Variants in KIF20A observed in about 807,000 individuals in gnomAD.
KIF20A encodes the protein kinesin-like protein KIF20A.
KIF20A carries 66 observed loss-of-function variants against 113.0 expected under a neutral mutation model. That is an observed-to-expected ratio of 0.58 (90% CI 0.48 to 0.72). The LOEUF (loss-of-function observed/expected upper bound fraction) is 0.72, where lower values mean the gene tolerates loss of function less well. Among genes scored for constraint, KIF20A ranks in the 30% least tolerant of loss-of-function variants. KIF20A has a pLI of 0.00. For missense variants in KIF20A, 927 were observed against 1,077.6 expected (o/e 0.86, Z 1.96); for synonymous variants, 376 against 402.3 (o/e 0.93, Z 0.78).
intron 4 of KIF20A, 71 bp from the exon 5 acceptor site, chr5:138,182,252 T>A: frequency 6.5e-7 from 1 of 1,537,354 alleles, no homozygotes; most frequent in South Asian, 1.2e-5. Context: ...AAGGAATATA[T>A]CTGCTGGCTC....
rs1276360805 is a variant in KIF20A at position 138,183,152 on chromosome 5, A to G, written c.833-17A>G. 1 of 1,613,234 alleles carries G rather than the reference A, an allele frequency of 6.2e-7. No homozygotes were observed. The highest frequency in any genetic ancestry group is 8.5e-7 in the Non-Finnish European group (1 of 1,179,518). On this transcript the variant is annotated splice_polypyrimidine_tract_variant and intron_variant, in intron 7 of 18. Coordinates refer to ENST00000394894, the MANE Select transcript of KIF20A (RefSeq NM_005733.3). The surrounding 1 kb of genome is among the most constrained non-coding windows in gnomAD (Gnocchi z 5.2). ...ACTGCTCTAGGTTGATGCCCTATACATTGGCTTCTTCTCCAGAAACAAGTC... is the reference window on the plus strand; with the variant it reads ...ACTGCTCTAGGTTGATGCCCTATACGTTGGCTTCTTCTCCAGAAACAAGTC...
Position 138,184,283 on chromosome 5 carries a change from G to A in KIF20A, c.1397G>A (p.Arg466Gln), listed in dbSNP as rs112052250. The A allele has an allele frequency of 1.9e-6, 3 of 1,614,126 alleles. No individual in the cohort carries two copies. The highest frequency in any genetic ancestry group is 2.2e-5 in the East Asian group (1 of 44,880). Residue 466 changes from arginine (R) to glutamine (Q), a missense_variant, in exon 12 of 19, where the codon CGA (arginine) becomes CAA (glutamine). Coordinates refer to ENST00000394894, the MANE Select transcript of KIF20A (RefSeq NM_005733.3). ...CCCTTCCGTGACAGCAAGTTGACTC[G>A]AGTGTTCCAAGGTTTCTTCACAGGC... ...LVPFRDSKLTRVFQGFFTGRG... is the reference protein window; with the variant it reads ...LVPFRDSKLTQVFQGFFTGRG...
chr5:138,184,134 C>T (rs767404855), intron 11 of KIF20A, 29 bp downstream of exon 11: 2 of 1,613,500 alleles, frequency 1.2e-6, no homozygotes, highest in Non-Finnish European at 8.5e-7. Flanking sequence ...TTCCTGGGCT[C>T]TGCAATTTGC....
At chr5:138,180,824 C>T (rs1048476473) in intron 2 of KIF20A, among the ~76,000 whole-genome samples, 1 of 152,110 alleles carries the variant, frequency 6.6e-6, no homozygotes, top group African/African-American at 2.4e-5. Context: ...TTACAGGCAC[C>T]TACCACCAAG....
Position 138,184,809 on chromosome 5 carries a change from G to GCTC in KIF20A, c.1689_1691dup (p.Leu564dup), listed in dbSNP as rs746319669. On this transcript the variant is annotated inframe_insertion, in exon 14 of 19. Transcript: ENST00000394894. ...TCTGACATGTGTGTCTCTCCTAGGA[G>GCTC]CTCCTACAAGTTGTGGAAGCCATGA... 5 of 1,614,110 alleles carry GCTC rather than the reference G, an allele frequency of 3.1e-6. No individual in the cohort carries two copies. The South Asian group carries it at 5.5e-5, about 18-fold the overall frequency.
At chr5:138,186,952 T>C in intron 18 of KIF20A, 144 bp from the exon 19 acceptor site, 1 of 666,526 alleles carries the variant, frequency 1.5e-6, no homozygotes, top group Non-Finnish European at 2.5e-6. Flanking sequence ...TATTCAGTTA[T>C]AAGCTCCGAC....
chr5:138,184,747 G>A, intron 13 of KIF20A, 60 bp from the exon 14 acceptor site: 1 of 1,611,186 alleles, frequency 6.2e-7, no homozygotes, highest in African/African-American at 1.3e-5. Flanking sequence ...CTTCCAGGTG[G>A]GCTTGTGCCT....
chr5:138,186,922 G>C (rs1189445089), intron 18 of KIF20A, among the ~76,000 whole-genome samples, 174 bp from the exon 19 acceptor site: 1 of 152,110 alleles, frequency 6.6e-6, no homozygotes, highest in African/African-American at 2.4e-5. Context: ...CTTATGTTTT[G>C]TTCTCAGAAA....
chr5:138,182,956 T>A lies in KIF20A; in HGVS notation c.798T>A (p.Ser266=). Residue 266 remains serine, a synonymous_variant, in exon 7 of 19, where the codon TCT becomes TCA. Transcript: ENST00000394894. ...ACAGTGGCATTGCTGGGCTCTCTTC[T>A]ATCAGTCAGTGTACCAGCAGTAGCC... ...SFDSGIAGLS[S]ISQCTSSSQL... 1 of 1,614,188 alleles carries A rather than the reference T, an allele frequency of 6.2e-7. No individual in the cohort carries two copies. Among genetic ancestry groups the A allele is most frequent in the Non-Finnish European group, 8.5e-7 (1 of 1,180,018 alleles).
At position 138,183,883 on chromosome 5, in the gene KIF20A, C is replaced by T; in HGVS notation, c.1209-79C>T. 2 of 1,595,594 alleles carry T rather than the reference C, an allele frequency of 1.3e-6. No homozygotes were observed. Among genetic ancestry groups the T allele is most frequent in the Non-Finnish European group, 1.7e-6 (2 of 1,166,050 alleles). On this transcript the variant is annotated intron_variant, in intron 10 of 18. Transcript: ENST00000394894. This position sits in a 1 kb window ranked among gnomAD's most constrained non-coding sequence, Gnocchi z 5.2. Reference sequence around the variant, plus strand: ...GTACAGAGATTCTTAGTGGGCCGTCCCCTCTCCAGAATTATACAAAGGGCC... The same window carrying T: ...GTACAGAGATTCTTAGTGGGCCGTCTCCTCTCCAGAATTATACAAAGGGCC...
At position 138,187,307 on chromosome 5, in the gene KIF20A, G is replaced by A. The variant is rs527632155; in HGVS notation, c.2567G>A (p.Arg856Gln). 1.2e-5 allele frequency: 19 copies of A among 1,614,106 alleles called. No individual in the cohort carries two copies. The highest frequency in any genetic ancestry group is 8.9e-5 in the East Asian group (4 of 44,882). ...CCATTCCTTCGAAATTTACTTCCCC[G>A]AACACCAACCTGCCAAAGCTCAACA... ...KKPFLRNLLP[R>Q]TPTCQSSTDC... The change falls in exon 19 of 19, where the codon CGA (arginine) becomes CAA (glutamine). Residue 856 changes from arginine to glutamine, a missense_variant. Arg to Gln is a conservative substitution (Grantham distance 43). Coordinates refer to ENST00000394894, the MANE Select transcript of KIF20A (RefSeq NM_005733.3).
At chr5:138,185,219 C>A (rs771105847) in intron 15 of KIF20A, 22 bp downstream of exon 15, 100 of 1,472,714 alleles carry the variant, frequency 6.8e-5, no homozygotes, top group South Asian at 1.2e-5. Flanking sequence ...TGAGCCAGCT[C>A]CAATTAGCTG....
At chr5:138,181,022 C>T (rs1160316571) in intron 2 of KIF20A, among the ~76,000 whole-genome samples, 1 of 152,234 alleles carries the variant, frequency 6.6e-6, no homozygotes, top group Non-Finnish European at 1.5e-5. Context: ...TTATTAACCC[C>T]ATTCTGCAGA....
At position 138,181,473 on chromosome 5, in the gene KIF20A, C is replaced by A; in HGVS notation, c.217C>A (p.Pro73Thr). 6.2e-7 allele frequency: 1 copy of A among 1,614,160 alleles called. No homozygotes were observed. The highest frequency in any genetic ancestry group is 8.5e-7 in the Non-Finnish European group (1 of 1,180,022). Residue 73 changes from proline to threonine, a missense_variant, in exon 3 of 19, where the codon CCC (proline) becomes ACC (threonine). By Grantham distance (38) the Pro-to-Thr change is conservative (BLOSUM62 -1). Transcript: ENST00000394894. ...GGTGAAAGTATACTTGAGGGTTAGG[C>A]CCTTGTTACCTTCAGAGTTGGAACG... Reference protein sequence around the residue: ...EKVKVYLRVRPLLPSELERQE... With the variant: ...EKVKVYLRVRTLLPSELERQE...
At position 138,185,499 on chromosome 5, in the gene KIF20A, G is replaced by T; in HGVS notation, c.1927-13G>T. 1 of 1,611,590 alleles carries T rather than the reference G, an allele frequency of 6.2e-7. No individual in the cohort carries two copies. The highest frequency in any genetic ancestry group is 1.1e-5 in the South Asian group (1 of 90,964). ...GGCTCTGCAAAGAATTGTGCTCTCT[G>T]CTTCCCTCTTAGGAGCGGGATGAAA... On this transcript the variant is annotated splice_polypyrimidine_tract_variant and intron_variant, in intron 15 of 18. Coordinates refer to ENST00000394894, the MANE Select transcript of KIF20A (RefSeq NM_005733.3).
rs1754688754 is a variant in KIF20A, at chr5:138,183,211, C to T, written c.875C>T (p.Pro292Leu). 1 of 1,614,100 alleles carries T rather than the reference C, an allele frequency of 6.2e-7. No homozygotes were observed. Among genetic ancestry groups the T allele is most frequent in the Non-Finnish European group, 8.5e-7 (1 of 1,180,032 alleles). The change falls in exon 8 of 19, where the codon CCT becomes CTT. Residue 292 changes from proline (P) to leucine (L), a missense_variant. Physicochemically the swap from Pro to Leu is moderately conservative, Grantham distance 98. Transcript: ENST00000394894. This position sits in a 1 kb window ranked among gnomAD's most constrained non-coding sequence, Gnocchi z 5.2. ...GCACAGCCAGACACTGCCCCACTAC[C>T]TGTCCCGGCAAACATTCGCTTCTCC... ...RWAQPDTAPL[P>L]VPANIRFSIW...
At position 138,183,118 on chromosome 5, in the gene KIF20A, G is replaced by A. The variant is rs763538355; in HGVS notation, c.833-51G>A. ...CTTCCAAGGCCCCTGCAGGCCAAAA[G>A]AGAGGTGAACTGCTCTAGGTTGATG... On this transcript the variant is annotated intron_variant, in intron 7 of 18. Coordinates refer to ENST00000394894, the MANE Select transcript of KIF20A (RefSeq NM_005733.3). This position sits in a 1 kb window ranked among gnomAD's most constrained non-coding sequence, Gnocchi z 5.2. 2 of 1,602,892 alleles carry A rather than the reference G, an allele frequency of 1.2e-6. No homozygotes were observed. The highest frequency in any genetic ancestry group is 2.2e-5 in the East Asian group (1 of 44,806).
At position 138,183,942 on chromosome 5, in the gene KIF20A, G is replaced by A. The variant is rs1361424362; in HGVS notation, c.1209-20G>A. 6.2e-7 allele frequency: 1 copy of A among 1,614,078 alleles called. No homozygotes were observed. The highest frequency in any genetic ancestry group is 1.1e-5 in the South Asian group (1 of 91,066). On this transcript the variant is annotated intron_variant, in intron 10 of 18. Transcript: ENST00000394894. The surrounding 1 kb of genome is among the most constrained non-coding windows in gnomAD (Gnocchi z 5.2). ...CATAACATGTGAGGCCCTTATGTCA[G>A]ATCCTGTGCATCATTCTAGGCTGTC...
At chr5:138,181,017 A>T (rs1391250375) in intron 2 of KIF20A, among the ~76,000 whole-genome samples, 1 of 152,240 alleles carries the variant, frequency 6.6e-6, no homozygotes, top group African/African-American at 2.4e-5. Flanking sequence ...TGCTATTATT[A>T]ACCCCATTCT....
Sources: allele counts gnomAD v4.1 joint callset (sites outside exome capture counted in the v4.1 genomes callset), GRCh38; gene constraint gnomAD v4.1.1; non-coding constraint Gnocchi (gnomAD v3.1); transcripts MANE v1.5; gene names NCBI Gene and HGNC (gene_info 2026-07-23, HGNC 2026-07-21).